The following HS1BP3 variants were observed in gnomAD, a reference collection of about 807,000 sequenced individuals.
HS1BP3 encodes the protein HCLS1-binding protein 3.
HS1BP3 carries 32 observed loss-of-function variants against 33.5 expected under a neutral mutation model. The observed-to-expected ratio is 0.95, with a 90% CI of 0.72 to 1.28. The LOEUF (loss-of-function observed/expected upper bound fraction) is 1.28, where lower values mean the gene tolerates loss of function less well. Among genes scored for constraint, HS1BP3 ranks in the 50% most tolerant of loss-of-function variants. The pLI is 0.00. For synonymous variants in HS1BP3, 187 were observed against 209.2 expected, an observed-to-expected ratio of 0.89 and a Z score of 0.92; for missense variants, 486 against 502.3, an observed-to-expected ratio of 0.97 and a Z score of 0.31.
chr2:20,640,549 C>A (rs1024190735), intron 3 of HS1BP3: 10 of 435,460 alleles, frequency 2.3e-5, no homozygotes, highest in Non-Finnish European at 4.1e-6. Context: ...AGGGGCAGGT[C>A]ACCAGCCAGG....
At chr2:20,612,031 A>G (rs1694328495) in intron 2 of HS1BP3, among the ~76,000 whole-genome samples, 1 of 152,260 alleles carries the variant, frequency 6.6e-6, no homozygotes, top group Non-Finnish European at 1.5e-5. Flanking sequence ...ACAGAATGTT[A>G]ATTACACACA....
chr2:20,572,182 G>C (rs1291457401), intron 5 of HS1BP3, among the ~76,000 whole-genome samples: 1 of 152,220 alleles, frequency 6.6e-6, no homozygotes, highest in African/African-American at 2.4e-5. Flanking sequence ...CTGGGAAGCA[G>C]GGCTCAGGCC....
chr2:20,575,760 ACCCC>A (rs58267147), intron 5 of HS1BP3, among the ~76,000 whole-genome samples: 113,844 of 148,872 alleles, frequency 0.76, 46,154 homozygotes, highest in Non-Finnish European at 0.88. Flanking sequence ...CCTTGGTTCC[ACCCC>A]CCCCCCCCCC....
At chr2:20,650,945 C>T (rs13033246) in intron 1 of HS1BP3, 87 bp downstream of exon 1, 5 of 1,138,134 alleles carry the variant, frequency 4.4e-6, no homozygotes, top group Non-Finnish European at 5.5e-6. Context: ...GGTCCCTGGC[C>T]TAGGAGGCGG....
At chr2:20,601,430 G>A (rs1249491179) in intron 2 of HS1BP3, among the ~76,000 whole-genome samples, 14 of 152,200 alleles carry the variant, frequency 9.2e-5, no homozygotes, top group Non-Finnish European at 2.1e-4. Flanking sequence ...AGATCTGAGT[G>A]AGGGTTTGAT....
chr2:20,633,502 ATC>A (rs1196265720), intron 4 of HS1BP3, among the ~76,000 whole-genome samples: 1 of 152,154 alleles, frequency 6.6e-6, no homozygotes, highest in Admixed American at 6.5e-5. Flanking sequence ...TTGTGCAGTA[ATC>A]TGTTTTTTTG....
At chr2:20,607,093 A>C (rs1165251025) in intron 2 of HS1BP3, among the ~76,000 whole-genome samples, 2 of 151,512 alleles carry the variant, frequency 1.3e-5, no homozygotes, top group Non-Finnish European at 2.9e-5. Context: ...AATAGCTCTT[A>C]TATTTAGGTC....
chr2:20,625,979 A>C (rs1694767221), intron 4 of HS1BP3, among the ~76,000 whole-genome samples: 1 of 152,194 alleles, frequency 6.6e-6, no homozygotes, highest in Non-Finnish European at 1.5e-5. Flanking sequence ...CCTGAAAATA[A>C]TGAGAATATG....
intron 5 of HS1BP3, among the ~76,000 whole-genome samples, chr2:20,561,837 C>T (rs1693005018): frequency 6.6e-6 from 1 of 152,000 alleles, no homozygotes; most frequent in Non-Finnish European, 1.5e-5. Flanking sequence ...CTTGGGGGCC[C>T]CTGCATAGCT....
At chr2:20,636,576 A>G (rs1337162466) in intron 4 of HS1BP3, 3 of 152,254 alleles carry the variant, frequency 2.0e-5, no homozygotes, top group African/African-American at 7.2e-5. Flanking sequence ...GTGGATCCTG[A>G]AAGCAGTTTG....
intron 4 of HS1BP3, chr2:20,636,053 G>A (rs1007428674): frequency 6.6e-6 from 1 of 151,834 alleles, no homozygotes; most frequent in African/African-American, 2.4e-5. Context: ...GCCGCTCCAG[G>A]AGAGCCCAGA....
intron 4 of HS1BP3, chr2:20,636,251 C>G (rs1455964131): frequency 6.6e-6 from 1 of 152,444 alleles, no homozygotes; most frequent in Non-Finnish European, 1.5e-5. Flanking sequence ...CTGTGAAAGG[C>G]CGAGGTGGAA....
chr2:20,630,424 G>A (rs1046699860), intron 4 of HS1BP3, among the ~76,000 whole-genome samples: 1 of 152,038 alleles, frequency 6.6e-6, no homozygotes, highest in Middle Eastern at 3.4e-3. Context: ...ACCATAACAC[G>A]TGGCTAATTA....
intron 1 of HS1BP3, among the ~76,000 whole-genome samples, chr2:20,646,453 C>A (rs925359736): frequency 6.6e-6 from 1 of 152,242 alleles, no homozygotes; most frequent in Admixed American, 6.5e-5. Context: ...TCCTCCCACA[C>A]GGACCCCTCA....
chr2:20,591,029 G>A (rs1039519512), downstream of HS1BP3: 11 of 167,150 alleles, frequency 6.6e-5, no homozygotes, highest in African/African-American at 2.4e-4. Flanking sequence ...CGCCGATGAT[G>A]AGTGCTGCAG....
In HS1BP3 at chr2:20,645,343, G is replaced by T; in HGVS notation, c.195C>A (p.Phe65Leu). ...AKHRPEDVVQ[F>L]LVSKKYSEIE... ...CTGGCCAGAGCCTCCGGCTCACCAA[G>T]AACTGGACGACATCCTCGGGCCTGT... The change falls in exon 2 of 7, where the codon TTC (phenylalanine) becomes TTA (leucine). Residue 65 changes from phenylalanine (F) to leucine (L), a missense_variant. Transcript: ENST00000304031. 1.2e-6 allele frequency: 2 copies of T among 1,613,352 alleles called. No homozygotes were observed. Among genetic ancestry groups the T allele is most frequent in the Non-Finnish European group, 1.7e-6 (2 of 1,179,722 alleles).
At chr2:20,561,233 C>A (rs1327413176) in intron 5 of HS1BP3, among the ~76,000 whole-genome samples, 2 of 152,220 alleles carry the variant, frequency 1.3e-5, no homozygotes, top group Admixed American at 6.5e-5. Flanking sequence ...CGCTGTCCTG[C>A]AGCTCAGAGC....
intron 5 of HS1BP3, among the ~76,000 whole-genome samples, chr2:20,563,160 T>C (rs925859784): frequency 6.6e-6 from 1 of 152,234 alleles, no homozygotes; most frequent in African/African-American, 2.4e-5. Flanking sequence ...CATTGGGGGC[T>C]ACTCGTCATG....
chr2:20,573,001 A>G (rs1693312211), intron 5 of HS1BP3, among the ~76,000 whole-genome samples: 1 of 152,232 alleles, frequency 6.6e-6, no homozygotes, highest in African/African-American at 2.4e-5. Context: ...TGTGGTAGGC[A>G]GAATACTACC....
Sources: allele counts gnomAD v4.1 joint callset (sites outside exome capture counted in the v4.1 genomes callset), GRCh38; gene constraint gnomAD v4.1.1; transcripts MANE v1.5; gene names NCBI Gene and HGNC (gene_info 2026-07-23, HGNC 2026-07-21).